The following HDAC7 variants were observed in gnomAD, a reference collection of about 807,000 sequenced individuals.
HDAC7 encodes histone deacetylase 7.
Under a neutral mutation model 115.5 loss-of-function variants are expected in HDAC7, and 26 were observed. The ratio of observed to expected loss-of-function variants is 0.23; its 90% CI spans 0.16 to 0.31. HDAC7 has a LOEUF of 0.31. Ranked by LOEUF, HDAC7 falls within the 10% of genes least tolerant of loss-of-function variation. The pLI, the probability that HDAC7 is intolerant of heterozygous loss-of-function variation, is 1.00. For missense variants in HDAC7, 1,068 were observed against 1,329.0 expected (o/e 0.80, Z 3.05); for synonymous variants, 564 against 550.9 (o/e 1.02, Z -0.33).
chr12:47,819,194 G>A (rs1944941010), intron 1 of HDAC7: 1 of 152,542 alleles, frequency 6.6e-6, no homozygotes, highest in African/African-American at 2.4e-5. Context: ...CTCCCAGCCA[G>A]AGACCCCTCC....
chr12:47,791,646 C>G lies in HDAC7; in HGVS notation c.1873G>C (p.Val625Leu), dbSNP rs769508062. The change falls in exon 15 of 26, where the codon GTG becomes CTG. Residue 625 changes from valine to leucine, a missense_variant. Coordinates refer to ENST00000080059, the MANE Select transcript of HDAC7 (RefSeq NM_015401.5). ...ELQSVHSERH[V>L]LLYGTNPLSR... ...AGCGGGTTGGTGCCGTAGAGGAGCACGTGCCGCTCAGAGTGGACCGACTGC... is the reference window on the plus strand; with the variant it reads ...AGCGGGTTGGTGCCGTAGAGGAGCAGGTGCCGCTCAGAGTGGACCGACTGC... 1 of 1,613,112 alleles carries G rather than the reference C, an allele frequency of 6.2e-7. No individual in the cohort carries two copies. Among genetic ancestry groups the G allele is most frequent in the South Asian group, 1.1e-5 (1 of 90,924 alleles).
rs560780084 is a variant in HDAC7 at position 47,789,799 on chromosome 12, C to T, written c.2091+14G>A. 1.9e-6 allele frequency: 3 copies of T among 1,604,962 alleles called. No individual in the cohort carries two copies. The African/African-American group carries it at 4.0e-5, about 21-fold the overall frequency. On this transcript the variant is annotated intron_variant, in intron 17 of 25. Transcript: ENST00000080059. ...TCCTTTGTGGTGTGTCCACCTTCAA[C>T]CCAAACCTCCTACCTTTAGCTCACG...
intron 1 of HDAC7, among the ~76,000 whole-genome samples, chr12:47,808,807 A>T (rs979414950): frequency 6.6e-6 from 1 of 152,142 alleles, no homozygotes; most frequent in African/African-American, 2.4e-5. Flanking sequence ...GGAATTCCTG[A>T]GCCAGTGGGC....
In HDAC7 at chr12:47,784,060, G is replaced by A. The variant is rs771236058; in HGVS notation, c.2930+19C>T. 2.5e-6 allele frequency: 4 copies of A among 1,611,498 alleles called. No homozygotes were observed. The highest frequency in any genetic ancestry group is 3.4e-6 in the Non-Finnish European group (4 of 1,178,896). On this transcript the variant is annotated intron_variant, in intron 25 of 25. Transcript: ENST00000080059. ...GCGGTGGAGAGGCTGTGGGCCCAGGGCCAGGGGTCTGGCATTACCTATCTT... is the reference window on the plus strand; with the variant it reads ...GCGGTGGAGAGGCTGTGGGCCCAGGACCAGGGGTCTGGCATTACCTATCTT...
intron 15 of HDAC7, 95 bp from the exon 16 acceptor site, chr12:47,791,403 T>C (rs1943496234): frequency 1.3e-5 from 18 of 1,403,550 alleles, no homozygotes; most frequent in South Asian, 4.2e-5. Context: ...CGGGTGAGTA[T>C]TGGGGGAGAG....
At chr12:47,789,131 T>C (rs560084113) in intron 19 of HDAC7, 130 bp downstream of exon 19, 2 of 761,036 alleles carry the variant, frequency 2.6e-6, no homozygotes, top group African/African-American at 3.5e-5. Flanking sequence ...ACCCAAATTT[T>C]ACACAAGGGG....
Position 47,803,640 on chromosome 12 carries a change from C to A in HDAC7, c.20-1366G>T, listed in dbSNP as rs12307749. On this transcript the variant is annotated intron_variant, in intron 1 of 25. Transcript: ENST00000080059. The surrounding 1 kb of genome is among the most constrained non-coding windows in gnomAD (Gnocchi z 4.0). The stretch of plus-strand genomic sequence containing the variant: ...CTCTGTGTCTACCACCTTGACACTT[C>A]ATTCATCATGATCTCTGTGGTGCCC... Among the ~76,000 whole-genome samples the A allele has an allele frequency of 9.2e-5, 14 of 152,220 alleles. No individual in the cohort carries two copies. Among genetic ancestry groups the A allele is most frequent in the African/African-American group, 3.4e-4 (14 of 41,462 alleles).
At position 47,794,779 on chromosome 12, in the gene HDAC7, G is replaced by A. The variant is rs1319654628; in HGVS notation, c.1439C>T (p.Pro480Leu). Reference protein sequence around the residue: ...HGQPEARGPAPLQQHPQVLLW... With the variant: ...HGQPEARGPALLQQHPQVLLW... ...CCATACCTGAGGGTGCTGCTGGAGAGGAGCGGGGCCTCTGGCCTCAGGCTG... is the reference window on the plus strand; with the variant it reads ...CCATACCTGAGGGTGCTGCTGGAGAAGAGCGGGGCCTCTGGCCTCAGGCTG... Residue 480 changes from proline (P) to leucine (L), a missense_variant, in exon 12 of 26, where the codon CCT becomes CTT. Pro to Leu is a moderately conservative substitution (Grantham distance 98, BLOSUM62 -3). Around this residue, in one of 6 missense-constraint regions of HDAC7, gnomAD observed 618 missense variants for 701.5 expected, o/e 0.88. Transcript: ENST00000080059. 14 of 1,606,358 alleles carry A rather than the reference G, an allele frequency of 8.7e-6. No homozygotes were observed. The highest frequency in any genetic ancestry group is 1.3e-5 in the African/African-American group (1 of 74,716).
Position 47,785,419 on chromosome 12 carries a change from A to G in HDAC7, c.2759T>C (p.Ile920Thr). The change falls in exon 24 of 26, where the codon ATC (isoleucine) becomes ACC (threonine). Residue 920 changes from isoleucine to threonine, a missense_variant. By Grantham distance (89) the Ile-to-Thr change is moderately conservative (BLOSUM62 -1). Around this residue, in one of 6 missense-constraint regions of HDAC7, gnomAD observed 98 missense variants for 123.9 expected, o/e 0.79. Transcript: ENST00000080059. ...GWKQKPNLNA[I>T]RSLEAVIRVH... is the part of the protein sequence containing the mutation. ...CCGGATCACGGCCTCCAGAGAGCGG[A>G]TGGCATTGAGGTTGGGTTTCTGTTT... 2 of 1,612,984 alleles carry G rather than the reference A, an allele frequency of 1.2e-6. No individual in the cohort carries two copies. The highest frequency in any genetic ancestry group is 1.7e-6 in the Non-Finnish European group (2 of 1,179,582).
intron 2 of HDAC7, among the ~76,000 whole-genome samples, chr12:47,801,887 G>A (rs759535162): frequency 6.6e-6 from 1 of 152,220 alleles, no homozygotes; most frequent in Non-Finnish European, 1.5e-5. Flanking sequence ...CCACACACAA[G>A]AACACACCTT....
Position 47,798,853 on chromosome 12 carries a change from G to A in HDAC7, c.190C>T (p.Pro64Ser), listed in dbSNP as rs868279071. 1 of 1,559,362 alleles carries A rather than the reference G, an allele frequency of 6.4e-7. No homozygotes were observed. The highest frequency in any genetic ancestry group is 8.7e-7 in the Non-Finnish European group (1 of 1,151,630). ...PEPTLLALQRPQRLHHHLFLA... is the reference protein window; with the variant it reads ...PEPTLLALQRSQRLHHHLFLA... Reference sequence around the variant, plus strand: ...AAGAGGTGGTGGTGCAGGCGCTGGGGACGCTGCAGGGCCAGCAATGTGGGC... The same window carrying A: ...AAGAGGTGGTGGTGCAGGCGCTGGGAACGCTGCAGGGCCAGCAATGTGGGC... Residue 64 changes from proline (P) to serine (S), a missense_variant, in exon 3 of 26, where the codon CCC becomes TCC. By Grantham distance (74) the Pro-to-Ser change is moderately conservative (BLOSUM62 -1). This residue lies in a region of HDAC7 where 161 missense variants were observed against 158.5 expected (regional missense o/e 1.02). Coordinates refer to ENST00000080059, the MANE Select transcript of HDAC7 (RefSeq NM_015401.5). The surrounding 1 kb of genome is among the most constrained non-coding windows in gnomAD (Gnocchi z 4.3).
chr12:47,785,323 T>G (rs1221081219), intron 24 of HDAC7, 64 bp downstream of exon 24: 4 of 1,404,450 alleles, frequency 2.8e-6, no homozygotes, highest in Non-Finnish European at 3.9e-6. Context: ...CTGGCCACGG[T>G]GGGGCAGGGT....
Position 47,798,229 on chromosome 12 carries a change from C to A in HDAC7, c.350-10G>T, listed in dbSNP as rs1356060220. The A allele has an allele frequency of 6.2e-7, 1 of 1,607,184 alleles. No homozygotes were observed. Among genetic ancestry groups the A allele is most frequent in the Non-Finnish European group, 8.5e-7 (1 of 1,174,188 alleles). ...CTGCTGGCTACAGCACCTGTAGGGG[C>A]AGAGTCAGGAGGGGGCTGGAGGTGG... On this transcript the variant is annotated splice_polypyrimidine_tract_variant and intron_variant, in intron 4 of 25. Coordinates refer to ENST00000080059, the MANE Select transcript of HDAC7 (RefSeq NM_015401.5). The surrounding 1 kb of genome is among the most constrained non-coding windows in gnomAD (Gnocchi z 4.3).
At chr12:47,785,997 T>C (rs954968899) in intron 22 of HDAC7, 112 bp from the exon 23 acceptor site, 2 of 1,053,570 alleles carry the variant, frequency 1.9e-6, no homozygotes, top group Middle Eastern at 2.4e-4. Context: ...GACTCACATG[T>C]ATCAATCACT....
Position 47,789,925 on chromosome 12 carries a change from G to A in HDAC7, c.1984-5C>T, listed in dbSNP as rs373283544. 59 of 1,603,200 alleles carry A rather than the reference G, an allele frequency of 3.7e-5. 1 individual carries two copies. Among genetic ancestry groups the A allele is most frequent in the Non-Finnish European group, 4.5e-5 (53 of 1,171,022 alleles). ...CCAGATGGTGTCAGTGTCCACCTGC[G>A]GGAGCCAGAGTCAGGGCCCGCATCA... On this transcript the variant is annotated splice_polypyrimidine_tract_variant and splice_region_variant and intron_variant, in intron 16 of 25. Coordinates refer to ENST00000080059, the MANE Select transcript of HDAC7 (RefSeq NM_015401.5).
chr12:47,818,351 G>C (rs1166970132), intron 1 of HDAC7, among the ~76,000 whole-genome samples: 1 of 152,240 alleles, frequency 6.6e-6, no homozygotes, highest in Non-Finnish European at 1.5e-5. Flanking sequence ...TCCAAGACCT[G>C]GTTCCAGTCT....
In HDAC7 at chr12:47,795,235, G is replaced by T; in HGVS notation, c.1233C>A (p.Gly411=). The part of the protein sequence containing the change: ...PPSATAPPPP[G]PMQPRLEQLK... ...GCTGCTCCAGGCGGGGCTGCATGGG[G>T]CCCGGCGGTGGGGGAGCGGTGGCAC... The change falls in exon 11 of 26, where the codon GGC becomes GGA. Residue 411 remains glycine (G), a synonymous_variant. Coordinates refer to ENST00000080059, the MANE Select transcript of HDAC7 (RefSeq NM_015401.5). The surrounding 1 kb of genome is among the most constrained non-coding windows in gnomAD (Gnocchi z 4.3). The T allele has an allele frequency of 6.2e-7, 1 of 1,612,858 alleles. No homozygotes were observed. The highest frequency in any genetic ancestry group is 8.5e-7 in the Non-Finnish European group (1 of 1,179,312).
chr12:47,791,144 T>C, intron 16 of HDAC7, 115 bp downstream of exon 16: 1 of 1,045,790 alleles, frequency 9.6e-7, no homozygotes, highest in Non-Finnish European at 1.5e-6. Flanking sequence ...TGGCTCACCC[T>C]GTCTGGCAGA....
intron 23 of HDAC7, 73 bp downstream of exon 23, chr12:47,785,679 G>A (rs1280714677): frequency 6.6e-7 from 1 of 1,512,878 alleles, no homozygotes; most frequent in Non-Finnish European, 8.9e-7. Context: ...CCATCTGCCT[G>A]CTCCTTGGGT....
Sources: gnomAD v4.1 joint callset for allele counts (sites outside exome capture counted in the v4.1 genomes callset) on GRCh38, gnomAD v4.1.1 for gene constraint, gnomAD v4.1.1 regional missense constraint, Gnocchi (gnomAD v3.1) non-coding constraint, MANE v1.5 for transcripts, NCBI Gene and HGNC (gene_info 2026-07-23, HGNC 2026-07-21) for gene names.